The following PATJ variants were observed in gnomAD, a reference collection of about 807,000 sequenced individuals.
The protein encoded by PATJ is PATJ crumbs cell polarity complex component, also known as inaD-like protein.
A neutral mutation model predicts 224.9 loss-of-function variants in PATJ; 190 were observed. The observed-to-expected ratio is 0.84, with a 90% CI of 0.75 to 0.95. The LOEUF is 0.95. PATJ is among the 40% of genes least tolerant of loss of function. The pLI is 0.00. For missense variants in PATJ, 2,121 were observed against 2,270.3 expected, an observed-to-expected ratio of 0.93 and a Z score of 1.34; for synonymous variants, 769 against 820.3, an observed-to-expected ratio of 0.94 and a Z score of 1.07.
In PATJ at chr1:61,808,474, G is replaced by A. The variant is rs774678581; in HGVS notation, c.1627G>A (p.Val543Ile). 3 of 1,597,656 alleles carry A rather than the reference G, an allele frequency of 1.9e-6. No individual in the cohort carries two copies. The highest frequency in any genetic ancestry group is 2.6e-6 in the Non-Finnish European group (3 of 1,166,744). The change falls in exon 14 of 44, where the codon GTT becomes ATT. Residue 543 changes from valine to isoleucine, a missense_variant and splice_region_variant. By Grantham distance (29) the Val-to-Ile change is conservative. Transcript: ENST00000642238. The stretch of plus-strand genomic sequence containing the variant: ...CTGGAAATTTTTTTTGTAAATTTAG[G>A]TTGCTACTTTGGACACACAGATTGC... ...NLLGPDYEVM[V>I]ATLDTQIADD...
At chr1:61,912,159 C>G (rs113584113) in intron 25 of PATJ, among the ~76,000 whole-genome samples, 5 of 152,152 alleles carry the variant, frequency 3.3e-5, no homozygotes, top group South Asian at 2.1e-4. Context: ...GAACATTTTG[C>G]ATATTAATCA....
At position 61,763,103 on chromosome 1, in the gene PATJ, T is replaced by A. The variant is rs1646056744; in HGVS notation, c.113T>A (p.Phe38Tyr). Reference sequence around the variant, plus strand: ...TCGCAGAATGAGAAGTTATCTATGTTTTATGAGACACTAAAGAGTCCTCTC... The same window carrying A: ...TCGCAGAATGAGAAGTTATCTATGTATTATGAGACACTAAAGAGTCCTCTC... Reference protein sequence around the residue: ...DTSQNEKLSMFYETLKSPLFN... With the variant: ...DTSQNEKLSMYYETLKSPLFN... The change falls in exon 3 of 44, where the codon TTT becomes TAT. Residue 38 changes from phenylalanine to tyrosine, a missense_variant. Coordinates refer to ENST00000642238, the MANE Select transcript of PATJ (RefSeq NM_001350145.3). 1 of 1,610,922 alleles carries A rather than the reference T, an allele frequency of 6.2e-7. No homozygotes were observed. The highest frequency in any genetic ancestry group is 8.5e-7 in the Non-Finnish European group (1 of 1,178,032).
intron 1 of PATJ, among the ~76,000 whole-genome samples, chr1:61,744,220 G>T (rs1474534322): frequency 7.2e-6 from 1 of 138,830 alleles, no homozygotes; most frequent in African/African-American, 2.7e-5. Flanking sequence ...GGAGATGGAG[G>T]CTGTGGTGAG....
intron 1 of PATJ, among the ~76,000 whole-genome samples, chr1:61,756,541 A>G (rs1645648238): frequency 7.3e-6 from 1 of 136,572 alleles, no homozygotes; most frequent in South Asian, 2.4e-4. Context: ...GGGTAGCCTT[A>G]TATATTGCTA....
At chr1:62,130,352 A>G (rs771700810) in intron 41 of PATJ, among the ~76,000 whole-genome samples, 1 of 152,026 alleles carries the variant, frequency 6.6e-6, no homozygotes, top group Non-Finnish European at 1.5e-5. Context: ...TAAAAATCAT[A>G]TAGGAAGTTC....
chr1:61,813,548 T>C (rs769498640), intron 14 of PATJ, among the ~76,000 whole-genome samples: 2 of 151,766 alleles, frequency 1.3e-5, no homozygotes, highest in Non-Finnish European at 2.9e-5. Flanking sequence ...ATATGTACAC[T>C]GTGCTAGGTC....
intron 42 of PATJ, among the ~76,000 whole-genome samples, chr1:62,150,511 GCCAGTTTTAAGAGAACTGGAT>G (rs1171830276): frequency 2.6e-5 from 4 of 151,842 alleles, no homozygotes; most frequent in African/African-American, 9.7e-5. Flanking sequence ...GAGAACTGGA[GCCAGTTTTAAGAGAACTGGAT>G]CCAGCATAGT....
intron 29 of PATJ, among the ~76,000 whole-genome samples, chr1:62,033,124 CA>C (rs1201265867): frequency 6.6e-6 from 1 of 152,118 alleles, no homozygotes; most frequent in African/African-American, 2.4e-5. Flanking sequence ...ATTAATGCCA[CA>C]ATTGTAGTTG....
chr1:61,758,856 G>A (rs1010329371), intron 1 of PATJ, among the ~76,000 whole-genome samples: 21 of 152,074 alleles, frequency 1.4e-4, no homozygotes, highest in African/African-American at 4.6e-4. Flanking sequence ...AAACTCCTGG[G>A]CTCAAGCAAC....
At chr1:61,788,263 G>A (rs898077473) in intron 8 of PATJ, among the ~76,000 whole-genome samples, 1 of 152,092 alleles carries the variant, frequency 6.6e-6, no homozygotes, top group African/African-American at 2.4e-5. Context: ...ACATCCAGGT[G>A]GTGGAGGGAA....
rs146854027 is a variant in PATJ at position 62,157,914 on chromosome 1, A to G, written c.5503-2994A>G. Among the ~76,000 whole-genome samples the G allele has an allele frequency of 2.8e-3, 415 of 148,958 alleles. 11 individuals carry two copies. The highest frequency in any genetic ancestry group is 9.1e-3 in the African/African-American group (375 of 41,350). On this transcript the variant is annotated intron_variant, in intron 43 of 43. Coordinates refer to ENST00000642238, the MANE Select transcript of PATJ (RefSeq NM_001350145.3). ...AGCAGCTGAATGTTACCCTAAGCCA[A>G]TAAGAGATTGACCTAAACACTTCAG...
chr1:61,840,574 A>G (rs1343199961), intron 17 of PATJ, among the ~76,000 whole-genome samples: 1 of 152,030 alleles, frequency 6.6e-6, no homozygotes, highest in Non-Finnish European at 1.5e-5. Context: ...TCTTAAAATT[A>G]TATGCTCTTT....
chr1:62,061,914 C>T (rs1456957627), intron 31 of PATJ, among the ~76,000 whole-genome samples: 1 of 151,794 alleles, frequency 6.6e-6, no homozygotes, highest in Non-Finnish European at 1.5e-5. Context: ...CCGCCTCGGC[C>T]TCCCAAAGTG....
In PATJ at chr1:61,944,621, G is replaced by C. The variant is rs2482869; in HGVS notation, c.3670+16792G>C. On this transcript the variant is annotated intron_variant, in intron 27 of 43. Transcript: ENST00000642238. ...CTGATTGGTGTACCTGAAAGTGACA[G>C]GGAGAATGGAACCAAGTTGGAAAAC... 3.5e-3 allele frequency among the ~76,000 whole-genome samples: 532 copies of C among 152,320 alleles called. 3 individuals are homozygous for C. The highest frequency in any genetic ancestry group is 0.012 in the African/African-American group (503 of 41,580).
chr1:62,024,765 AGCCAATTCTTTCTCTCACT>A (rs1238945664), intron 29 of PATJ, among the ~76,000 whole-genome samples: 1 of 151,514 alleles, frequency 6.6e-6, no homozygotes, highest in African/African-American at 2.4e-5. Context: ...AAGGTGAAGG[AGCCAATTCTTTCTCTCACT>A]GCCAAAGTGT....
intron 26 of PATJ, among the ~76,000 whole-genome samples, chr1:61,920,638 T>G (rs1674158019): frequency 1.3e-5 from 2 of 151,926 alleles, no homozygotes; most frequent in Admixed American, 1.3e-4. Context: ...TGGAATTCGT[T>G]AAGCCACACA....
At chr1:61,900,807 T>A (rs1175899761) in intron 23 of PATJ, among the ~76,000 whole-genome samples, 2 of 152,148 alleles carry the variant, frequency 1.3e-5, no homozygotes, top group African/African-American at 4.8e-5. Flanking sequence ...GCCAGGATGG[T>A]CTCGATCTCC....
chr1:62,028,943 C>A (rs920817906), intron 29 of PATJ, among the ~76,000 whole-genome samples: 1 of 145,338 alleles, frequency 6.9e-6, no homozygotes, highest in African/African-American at 2.6e-5. Flanking sequence ...GCCTGGGTGA[C>A]AGAGCGAGAC....
intron 39 of PATJ, among the ~76,000 whole-genome samples, chr1:62,123,340 G>A (rs992078821): frequency 6.6e-6 from 1 of 151,582 alleles, no homozygotes; most frequent in African/African-American, 2.4e-5. Flanking sequence ...CTTTTAACCT[G>A]TACATGTAAA....
Sources: allele counts gnomAD v4.1 joint callset (sites outside exome capture counted in the v4.1 genomes callset), GRCh38; gene constraint gnomAD v4.1.1; transcripts MANE v1.5; gene names NCBI Gene and HGNC (gene_info 2026-07-23, HGNC 2026-07-21).